DISC1: variants seen among roughly 807,000 people sequenced by gnomAD.
DISC1 encodes the protein disrupted in schizophrenia 1 protein.
Under a neutral mutation model 84.5 loss-of-function variants are expected in DISC1, and 57 were observed. The ratio of observed to expected loss-of-function variants is 0.67; its 90% CI spans 0.55 to 0.84. The LOEUF (loss-of-function observed/expected upper bound fraction) is 0.84. DISC1 is among the 40% of genes least tolerant of loss of function. DISC1 has a pLI of 0.00. For synonymous variants in DISC1, 411 were observed against 415.2 expected, an observed-to-expected ratio of 0.99 and a Z score of 0.12; for missense variants, 1,000 against 1,057.8, an observed-to-expected ratio of 0.95 and a Z score of 0.76.
chr1:232,031,799 T>G lies in DISC1; in HGVS notation c.2426-4893T>G, dbSNP rs938286427. Among the ~76,000 whole-genome samples the G allele has an allele frequency of 2.6e-5, 4 of 152,148 alleles. No individual in the cohort carries two copies. Among genetic ancestry groups the G allele is most frequent in the Non-Finnish European group, 4.4e-5 (3 of 68,032 alleles). On this transcript the variant is annotated intron_variant, in intron 12 of 12. Coordinates refer to ENST00000439617, the MANE Select transcript of DISC1 (RefSeq NM_018662.3). The surrounding 1 kb of genome is among the most constrained non-coding windows in gnomAD (Gnocchi z 4.6). Reference sequence around the variant, plus strand: ...AAGCATCAAATCCTTTGAATCAATCTTGGGTATAGTCAAGGTTTTCCTCTT... The same window carrying G: ...AAGCATCAAATCCTTTGAATCAATCGTGGGTATAGTCAAGGTTTTCCTCTT...
At chr1:231,917,427 T>C (rs2089714908) in intron 9 of DISC1, among the ~76,000 whole-genome samples, 1 of 152,236 alleles carries the variant, frequency 6.6e-6, no homozygotes, top group Non-Finnish European at 1.5e-5. Context: ...ATCACTCTTA[T>C]ATTTGGGGAG....
intron 3 of DISC1, among the ~76,000 whole-genome samples, chr1:231,714,477 G>A (rs1246915662): frequency 6.6e-6 from 1 of 152,074 alleles, no homozygotes; most frequent in Non-Finnish European, 1.5e-5. Context: ...TAAAAGTTTG[G>A]TGGTTCTTCA....
At chr1:231,702,445 C>T in intron 3 of DISC1, 1 of 988,268 alleles carries the variant, frequency 1.0e-6, no homozygotes, top group Non-Finnish European at 1.2e-6. Context: ...TAAACTTAAG[C>T]CTTCATGGGG....
At chr1:231,872,481 A>G (rs1293391512) in intron 9 of DISC1, among the ~76,000 whole-genome samples, 1 of 152,154 alleles carries the variant, frequency 6.6e-6, no homozygotes, top group Non-Finnish European at 1.5e-5. Flanking sequence ...TTGGCTGCAG[A>G]TGGAGTCACA....
At chr1:231,876,824 C>G (rs1310883598) in intron 9 of DISC1, among the ~76,000 whole-genome samples, 1 of 152,210 alleles carries the variant, frequency 6.6e-6, no homozygotes, top group Non-Finnish European at 1.5e-5. Context: ...GCCTCAGTGA[C>G]AGGTGTGTGG....
intron 3 of DISC1, among the ~76,000 whole-genome samples, chr1:231,718,244 T>C (rs891432817): frequency 5.3e-5 from 8 of 152,204 alleles, no homozygotes; most frequent in Admixed American, 3.3e-4. Flanking sequence ...TCATCCTTCA[T>C]GTTGTAACCA....
intron 3 of DISC1, among the ~76,000 whole-genome samples, chr1:231,707,678 C>T (rs563135547): frequency 3.9e-5 from 6 of 151,986 alleles, no homozygotes; most frequent in Non-Finnish European, 7.4e-5. Flanking sequence ...GATAGTGCAA[C>T]CAAGTAAAAG....
intron 1 of DISC1, among the ~76,000 whole-genome samples, chr1:231,650,069 G>A (rs1346485055): frequency 6.6e-6 from 1 of 152,140 alleles, no homozygotes; most frequent in Admixed American, 6.5e-5. Flanking sequence ...TAGATTTAAG[G>A]TTAATATTGT....
At chr1:231,718,001 C>A (rs190432719) in intron 3 of DISC1, among the ~76,000 whole-genome samples, 7 of 152,284 alleles carry the variant, frequency 4.6e-5, no homozygotes, top group African/African-American at 1.7e-4. Flanking sequence ...TCCCCTATTA[C>A]AATGAATGGC....
chr1:231,943,725 T>A (rs754538369), intron 9 of DISC1: 72 of 79,164 alleles, frequency 9.1e-4, no homozygotes, highest in African/African-American at 3.6e-3. Context: ...ACAATATGAC[T>A]TTTTTTTTTT....
At chr1:231,964,301 G>C (rs1401555093) in intron 10 of DISC1, among the ~76,000 whole-genome samples, 1 of 152,158 alleles carries the variant, frequency 6.6e-6, no homozygotes, top group East Asian at 1.9e-4. Flanking sequence ...GTCATCTCCA[G>C]CCTCTTTCTC....
chr1:231,956,683 G>A (rs1659565846), intron 9 of DISC1, among the ~76,000 whole-genome samples: 1 of 152,134 alleles, frequency 6.6e-6, no homozygotes, highest in African/African-American at 2.4e-5. Flanking sequence ...GCAAAATTCT[G>A]TGAGTCAGGA....
intron 9 of DISC1, among the ~76,000 whole-genome samples, chr1:231,932,596 C>A (rs2090732098): frequency 6.6e-6 from 1 of 152,156 alleles, no homozygotes; most frequent in East Asian, 1.9e-4. Context: ...CTCTTTCACT[C>A]TGCTTCAAGG....
intron 1 of DISC1, among the ~76,000 whole-genome samples, chr1:231,660,289 G>A (rs1176172650): frequency 6.6e-6 from 1 of 151,920 alleles, no homozygotes; most frequent in Non-Finnish European, 1.5e-5. Flanking sequence ...AATTAGGATT[G>A]CAACCCCTAC....
chr1:231,909,062 G>A (rs1029162173), intron 9 of DISC1, among the ~76,000 whole-genome samples: 1 of 152,210 alleles, frequency 6.6e-6, no homozygotes, highest in Non-Finnish European at 1.5e-5. Context: ...AGCTTAAGCA[G>A]ATTTTGGGCT....
intron 9 of DISC1, among the ~76,000 whole-genome samples, chr1:231,904,041 G>A (rs145049846): frequency 2.0e-5 from 3 of 152,290 alleles, no homozygotes; most frequent in Non-Finnish European, 4.4e-5. Context: ...GGCCCTGCAG[G>A]GAGTGAATTT....
At chr1:232,021,706 C>T (rs1472043223) in intron 11 of DISC1, among the ~76,000 whole-genome samples, 1 of 152,132 alleles carries the variant, frequency 6.6e-6, no homozygotes, top group Non-Finnish European at 1.5e-5. Flanking sequence ...CCTGTTTTAC[C>T]TACTATGGCT....
intron 5 of DISC1, among the ~76,000 whole-genome samples, chr1:231,770,307 A>G (rs200667053): frequency 7.2e-5 from 11 of 152,136 alleles, no homozygotes; most frequent in Non-Finnish European, 1.2e-4. Context: ...TTATATTTTC[A>G]TGAACTTTAG....
chr1:231,638,616 A>G (rs1094655), intron 1 of DISC1, among the ~76,000 whole-genome samples: 57,699 of 151,914 alleles, frequency 0.38, 11,597 homozygotes, highest in East Asian at 0.81. Context: ...TGCCCAGTGT[A>G]TGTTCTTGTC....
Sources: gnomAD v4.1 joint callset for allele counts (sites outside exome capture counted in the v4.1 genomes callset) on GRCh38, gnomAD v4.1.1 for gene constraint, Gnocchi (gnomAD v3.1) non-coding constraint, MANE v1.5 for transcripts, NCBI Gene and HGNC (gene_info 2026-07-23, HGNC 2026-07-21) for gene names.